Variants in DYSF observed in about 807,000 individuals in gnomAD.
DYSF encodes dystrophy-associated fer-1-like 1.
Under a neutral mutation model 274.9 loss-of-function variants are expected in DYSF, and 212 were observed. That is an observed-to-expected ratio of 0.77 (90% CI 0.69 to 0.86). The LOEUF is 0.86. Ranked by LOEUF, DYSF falls within the 40% of genes least tolerant of loss-of-function variation. The pLI is 0.00. For synonymous variants in DYSF, 1,091 were observed against 1,078.7 expected (o/e 1.01, Z -0.22); for missense variants, 2,666 against 2,783.2 (o/e 0.96, Z 0.95).
At chr2:71,570,984 G>GCATA (rs200446783) in intron 29 of DYSF, 67 of 550,674 alleles carry the variant, frequency 1.2e-4, no homozygotes, top group East Asian at 7.6e-4. Flanking sequence ...ATCACACCCA[G>GCATA]CACACAGATC....
chr2:71,578,794 G>A (rs2092794897), intron 30 of DYSF, among the ~76,000 whole-genome samples: 1 of 152,120 alleles, frequency 6.6e-6, no homozygotes, highest in Non-Finnish European at 1.5e-5. Context: ...CCCTCTGGAA[G>A]ACGTCTTGTT....
chr2:71,610,924 A>G (rs933814248), intron 36 of DYSF: 1 of 410,648 alleles, frequency 2.4e-6, no homozygotes, highest in Non-Finnish European at 4.6e-6. Flanking sequence ...CTGTGTGCGT[A>G]TCAGGGAGGG....
chr2:71,494,875 A>T (rs1451023351), intron 3 of DYSF, among the ~76,000 whole-genome samples: 1 of 152,200 alleles, frequency 6.6e-6, no homozygotes, highest in Non-Finnish European at 1.5e-5. Flanking sequence ...TCTCCCTGAC[A>T]TTTTGAGGAT....
chr2:71,459,434 G>C (rs1383507035), intron 1 of DYSF, among the ~76,000 whole-genome samples: 2 of 152,134 alleles, frequency 1.3e-5, no homozygotes, highest in Non-Finnish European at 2.9e-5. Context: ...CCAGAAACGT[G>C]GCAGGTGGAC....
At chr2:71,662,432 A>G (rs1056251521) in intron 45 of DYSF, among the ~76,000 whole-genome samples, 2 of 151,348 alleles carry the variant, frequency 1.3e-5, no homozygotes, top group African/African-American at 4.9e-5. Context: ...ATATGTGTGT[A>G]TGTATGTGTG....
At chr2:71,461,226 G>T (rs2081274057) in intron 1 of DYSF, among the ~76,000 whole-genome samples, 1 of 152,162 alleles carries the variant, frequency 6.6e-6, no homozygotes, top group Non-Finnish European at 1.5e-5. Context: ...AGTTATTCCT[G>T]ACCATTGTGA....
chr2:71,526,405 T>TGGGGGGGGGGGGGGGGGGG, intron 13 of DYSF, 59 bp downstream of exon 13: 21 of 370,324 alleles, frequency 5.7e-5, no homozygotes, highest in East Asian at 4.6e-4. Context: ...GCAGGGCTGG[T>TGGGGGGGGGGGGGGGGGGG]GGGGGTGGGC....
intron 36 of DYSF, among the ~76,000 whole-genome samples, chr2:71,608,867 T>C (rs1235622103): frequency 1.3e-5 from 2 of 151,984 alleles, no homozygotes; most frequent in African/African-American, 4.8e-5. Context: ...AGAGAACAAG[T>C]GTATGAGAAA....
intron 1 of DYSF, among the ~76,000 whole-genome samples, chr2:71,469,042 C>T (rs1045593879): frequency 2.6e-5 from 4 of 152,154 alleles, no homozygotes; most frequent in Non-Finnish European, 4.4e-5. Flanking sequence ...ATTCCAGAGT[C>T]CCCATCTGTA....
At chr2:71,483,279 T>C (rs2152684823) in intron 3 of DYSF, among the ~76,000 whole-genome samples, 1 of 152,172 alleles carries the variant, frequency 6.6e-6, no homozygotes, top group South Asian at 2.1e-4. Context: ...GGGACAGGGA[T>C]TGGAATCATT....
intron 35 of DYSF, among the ~76,000 whole-genome samples, chr2:71,602,367 C>T (rs532308641): frequency 6.6e-6 from 1 of 152,312 alleles, no homozygotes; most frequent in East Asian, 1.9e-4. Context: ...CTGTCCTAAG[C>T]TCCTGCTCTC....
At chr2:71,562,959 C>T (rs1295657543) in intron 23 of DYSF, among the ~76,000 whole-genome samples, 1 of 152,126 alleles carries the variant, frequency 6.6e-6, no homozygotes, top group Non-Finnish European at 1.5e-5. Context: ...GGGTTAAGGT[C>T]GAACAGTGCT....
At chr2:71,595,847 G>A (rs572025738) in intron 32 of DYSF, among the ~76,000 whole-genome samples, 12 of 152,230 alleles carry the variant, frequency 7.9e-5, no homozygotes, top group African/African-American at 1.7e-4. Flanking sequence ...TGATGCACAC[G>A]CAAAACCCAG....
rs115779696 is a variant in DYSF at position 71,569,631 on chromosome 2, C to T, written c.2865-189C>T. On this transcript the variant is annotated intron_variant, in intron 26 of 55. Coordinates refer to ENST00000410020, the MANE Select transcript of DYSF (RefSeq NM_001130987.2). Reference sequence around the variant, plus strand: ...TGTGCTCTTTTGTCCCCGATTATCTCGGAGTGTCCCTAGGTCTCCTTTTCA... The same window carrying T: ...TGTGCTCTTTTGTCCCCGATTATCTTGGAGTGTCCCTAGGTCTCCTTTTCA... Among the ~76,000 whole-genome samples the T allele has an allele frequency of 1.8e-3, 281 of 152,272 alleles. 2 individuals carry two copies. The highest frequency in any genetic ancestry group is 6.4e-3 in the African/African-American group (265 of 41,556).
At position 71,612,748 on chromosome 2, in the gene DYSF, G is replaced by T; in HGVS notation, c.4329G>T (p.Leu1443=). The T allele has an allele frequency of 6.2e-7, 1 of 1,614,186 alleles. No individual in the cohort carries two copies. Among genetic ancestry groups the T allele is most frequent in the Non-Finnish European group, 8.5e-7 (1 of 1,180,016 alleles). Reference sequence around the variant, plus strand: ...TGGGCCAGTGTACCATCCGCTCCCTGGAGAGCTTCCTGTGTGACCCCTACT... The same window carrying T: ...TGGGCCAGTGTACCATCCGCTCCCTTGAGAGCTTCCTGTGTGACCCCTACT... ...PVVGQCTIRS[L]ESFLCDPYSA... The change falls in exon 39 of 56, where the codon CTG becomes CTT. Residue 1443 remains leucine (L), a synonymous_variant. Coordinates refer to ENST00000410020, the MANE Select transcript of DYSF (RefSeq NM_001130987.2).
At chr2:71,495,235 G>A (rs571131829) in intron 3 of DYSF, among the ~76,000 whole-genome samples, 1 of 152,122 alleles carries the variant, frequency 6.6e-6, no homozygotes, top group East Asian at 1.9e-4. Context: ...CCCATGAGTG[G>A]TGCTCACTAC....
At chr2:71,629,317 G>T (rs2094272224) in intron 41 of DYSF, among the ~76,000 whole-genome samples, 1 of 152,014 alleles carries the variant, frequency 6.6e-6, no homozygotes, top group Non-Finnish European at 1.5e-5. Flanking sequence ...GTTTATTTTT[G>T]AAGGTCTCCT....
chr2:71,629,243 A>G (rs936814571), intron 41 of DYSF, among the ~76,000 whole-genome samples: 4 of 152,240 alleles, frequency 2.6e-5, no homozygotes, highest in East Asian at 1.9e-4. Context: ...TACCCTATCT[A>G]TTGAGTTTTC....
chr2:71,492,499 C>CT (rs2083943296), intron 3 of DYSF, among the ~76,000 whole-genome samples: 2 of 152,102 alleles, frequency 1.3e-5, no homozygotes, highest in Admixed American at 6.6e-5. Flanking sequence ...TTGGCATGCG[C>CT]TTTTCTTCAT....
Sources: allele counts gnomAD v4.1 joint callset (sites outside exome capture counted in the v4.1 genomes callset), GRCh38; gene constraint gnomAD v4.1.1; transcripts MANE v1.5; gene names NCBI Gene and HGNC (gene_info 2026-07-23, HGNC 2026-07-21).